Variants in ANK1 observed in about 807,000 individuals in gnomAD.
ANK1 encodes ankyrin 1.
In ANK1, 51 loss-of-function variants were observed where a neutral mutation model predicts 210.4. The ratio of observed to expected loss-of-function variants is 0.24; its 90% CI spans 0.19 to 0.31. The LOEUF is 0.31. ANK1 is among the 10% of genes least tolerant of loss of function. ANK1 has a pLI of 1.00. For missense variants in ANK1, 2,051 were observed against 2,504.4 expected (o/e 0.82, Z 3.86); for synonymous variants, 967 against 1,025.9 (o/e 0.94, Z 1.10).
intron 1 of ANK1, among the ~76,000 whole-genome samples, chr8:41,816,888 G>GACAT (rs1803436373): frequency 6.6e-6 from 1 of 152,112 alleles, no homozygotes; most frequent in South Asian, 2.1e-4. Context: ...CACATTACAT[G>GACAT]ACATACATAC....
At chr8:41,781,790 G>A (rs778453685) in intron 1 of ANK1, among the ~76,000 whole-genome samples, 18 of 152,182 alleles carry the variant, frequency 1.2e-4, no homozygotes, top group Admixed American at 2.6e-4. Flanking sequence ...GGGCCAGGAG[G>A]GAGGCAGAGG....
At chr8:41,706,846 C>T (rs1443897237) in intron 17 of ANK1, among the ~76,000 whole-genome samples, 1 of 152,234 alleles carries the variant, frequency 6.6e-6, no homozygotes, top group Non-Finnish European at 1.5e-5. Context: ...TGCCTGTCAT[C>T]CCAGCACTTT....
At chr8:41,684,359 A>G in intron 37 of ANK1, 185 bp downstream of exon 37, 4 of 984,168 alleles carry the variant, frequency 4.1e-6, no homozygotes, top group South Asian at 1.4e-5. Context: ...AGGAGCAGCC[A>G]TCTCTCTCTC....
intron 1 of ANK1, among the ~76,000 whole-genome samples, chr8:41,804,901 A>T (rs7818962): frequency 0.36 from 54,010 of 152,034 alleles, 10,457 homozygotes; most frequent in Non-Finnish European, 0.44. Context: ...AAAAGGTTAA[A>T]CAACAGATGC....
intron 14 of ANK1, 151 bp downstream of exon 14, chr8:41,715,501 G>T: frequency 1.0e-6 from 1 of 972,184 alleles, no homozygotes. Context: ...TCGGCTTGCA[G>T]GTGGTGGCCA....
At chr8:41,769,977 C>CTTTTTTTTTTT (rs59542968) in intron 1 of ANK1, among the ~76,000 whole-genome samples, 12 of 86,638 alleles carry the variant, frequency 1.4e-4, no homozygotes, top group East Asian at 3.7e-4. Context: ...TTTCTTTTTT[C>CTTTTTTTTTTT]TTTTTTTTTT....
Position 41,690,239 on chromosome 8 carries a change from G to T in ANK1, c.4092C>A (p.Pro1364=), listed in dbSNP as rs759781976. ...GGTGCCAGCTCACCTTGGCGCAGGGGGGCATGGTGATGTTCAGGTGGCAGA... is the reference window on the plus strand; with the variant it reads ...GGTGCCAGCTCACCTTGGCGCAGGGTGGCATGGTGATGTTCAGGTGGCAGA... ...HILCHLNITM[P]PCAKGSGAED... is the part of the protein sequence containing the mutation. The change falls in exon 33 of 43, where the codon CCC becomes CCA. Residue 1364 remains proline, a synonymous_variant. Coordinates refer to ENST00000289734, the MANE Select transcript of ANK1 (RefSeq NM_000037.4). The T allele has an allele frequency of 1.2e-6, 2 of 1,614,104 alleles. No homozygotes were observed. The highest frequency in any genetic ancestry group is 2.2e-5 in the East Asian group (1 of 44,896).
At position 41,754,973 on chromosome 8, in the gene ANK1, G is replaced by A. The variant is rs1422484735; in HGVS notation, c.129+3063C>T. ...GCTGTGGGAATTAACCAGCAGCAAGGGGCTTTGCACTTGGTGTGTCCTGTC... is the reference window on the plus strand; with the variant it reads ...GCTGTGGGAATTAACCAGCAGCAAGAGGCTTTGCACTTGGTGTGTCCTGTC... On this transcript the variant is annotated intron_variant, in intron 2 of 42. Coordinates refer to ENST00000289734, the MANE Select transcript of ANK1 (RefSeq NM_000037.4). 2.0e-5 allele frequency among the ~76,000 whole-genome samples: 3 copies of A among 152,234 alleles called. 1 individual carries two copies. Among genetic ancestry groups the A allele is most frequent in the Non-Finnish European group, 4.4e-5 (3 of 68,046 alleles).
intron 1 of ANK1, among the ~76,000 whole-genome samples, chr8:41,781,319 C>T (rs1255450188): frequency 2.0e-5 from 3 of 152,212 alleles, no homozygotes; most frequent in Non-Finnish European, 2.9e-5. Context: ...ACAAGCCCAA[C>T]AGCCAGGACT....
intron 16 of ANK1, among the ~76,000 whole-genome samples, chr8:41,713,803 G>C (rs758967194): frequency 6.6e-6 from 1 of 152,114 alleles, no homozygotes; most frequent in Admixed American, 6.5e-5. Flanking sequence ...TGCTAGAAAC[G>C]GGCTCACCAC....
chr8:41,769,715 A>T (rs1842615698), intron 1 of ANK1, among the ~76,000 whole-genome samples: 1 of 152,178 alleles, frequency 6.6e-6, no homozygotes, highest in African/African-American at 2.4e-5. Context: ...ATGGCCACAT[A>T]AGATAATGGG....
At chr8:41,840,309 C>T (rs1004214239) in intron 1 of ANK1, 8 of 151,924 alleles carry the variant, frequency 5.3e-5, no homozygotes, top group African/African-American at 1.9e-4. Flanking sequence ...ATCCTCTCAC[C>T]TCAGCCTCCC....
intron 1 of ANK1, among the ~76,000 whole-genome samples, chr8:41,776,255 T>C (rs1844014414): frequency 6.6e-6 from 1 of 152,174 alleles, no homozygotes; most frequent in Non-Finnish European, 1.5e-5. Flanking sequence ...AATGTGGCCA[T>C]TCTCTCTATT....
chr8:41,693,602 T>G (rs974181075), intron 29 of ANK1, among the ~76,000 whole-genome samples: 3 of 151,928 alleles, frequency 2.0e-5, no homozygotes, highest in Admixed American at 1.3e-4. Flanking sequence ...CATGCCTGGC[T>G]AAGTTTTGTA....
chr8:41,705,928 G>T (rs2150615895), intron 18 of ANK1, among the ~76,000 whole-genome samples: 2 of 152,306 alleles, frequency 1.3e-5, no homozygotes, highest in Middle Eastern at 6.8e-3. Context: ...CTTTCTCACT[G>T]CAGAGGCTCA....
chr8:41,885,221 C>T (rs183173620), intron 1 of ANK1, among the ~76,000 whole-genome samples: 79 of 152,218 alleles, frequency 5.2e-4, no homozygotes, highest in African/African-American at 1.9e-3. Context: ...GGTGATGGTG[C>T]TCGGTACAGA....
At position 41,704,510 on chromosome 8, in the gene ANK1, T is replaced by C. The variant is rs374388577; in HGVS notation, c.2098-38A>G. ...TGAGAAGGAGTGACCGGAGCTGTCCTGAGCTGGGCATCACATGAAATCCTT... is the reference window on the plus strand; with the variant it reads ...TGAGAAGGAGTGACCGGAGCTGTCCCGAGCTGGGCATCACATGAAATCCTT... On this transcript the variant is annotated intron_variant, in intron 18 of 42. Transcript: ENST00000289734. The surrounding 1 kb of genome is among the most constrained non-coding windows in gnomAD (Gnocchi z 4.1). The C allele has an allele frequency of 3.2e-6, 5 of 1,552,922 alleles. No individual in the cohort carries two copies. The highest frequency in any genetic ancestry group is 4.4e-6 in the Non-Finnish European group (5 of 1,124,362).
rs1015161439 is a variant in ANK1 at position 41,684,359 on chromosome 8, A to C, written c.4537+185T>G. ...GATGCCCACCTGCACAGGAGCAGCCATCTCTCTCTCCTTCGCCTCTGCTTC... is the reference window on the plus strand; with the variant it reads ...GATGCCCACCTGCACAGGAGCAGCCCTCTCTCTCTCCTTCGCCTCTGCTTC... On this transcript the variant is annotated intron_variant, in intron 37 of 42. Transcript: ENST00000289734. 7 of 984,052 alleles carry C rather than the reference A, an allele frequency of 7.1e-6. No homozygotes were observed. The East Asian group carries it at 1.2e-4, about 17-fold the overall frequency. 61.0% of individuals were successfully genotyped at this position (984,052 alleles called of 1,614,324 possible).
At chr8:41,742,880 G>A (rs988759537) in intron 2 of ANK1, among the ~76,000 whole-genome samples, 1 of 152,168 alleles carries the variant, frequency 6.6e-6, no homozygotes, top group South Asian at 2.1e-4. Flanking sequence ...TCTTGCCTGT[G>A]ATAAGGAGGA....
Sources: allele counts gnomAD v4.1 joint callset (sites outside exome capture counted in the v4.1 genomes callset), GRCh38; gene constraint gnomAD v4.1.1; non-coding constraint Gnocchi (gnomAD v3.1); transcripts MANE v1.5; gene names NCBI Gene and HGNC (gene_info 2026-07-23, HGNC 2026-07-21).